The following CHLSN variants were observed in gnomAD, a reference collection of about 807,000 sequenced individuals.
CHLSN encodes the protein protein cholesin.
At chr7:1,008,767 AAC>A in the CHLSN span, among the ~76,000 whole-genome samples, 66 of 152,138 alleles carry the variant, frequency 4.3e-4, no homozygotes, top group Admixed American at 9.8e-4. Flanking sequence ...CACGTGCATA[AAC>A]ACACACGCAC....
At chr7:1,009,909 C>G in the CHLSN span, 2 of 1,473,448 alleles carry the variant, frequency 1.4e-6, no homozygotes, top group African/African-American at 2.8e-5. Context: ...GGGGTTGAGA[C>G]GCACGTCCGG....
chr7:1,042,358 C>T, the CHLSN span, among the ~76,000 whole-genome samples: 12 of 152,356 alleles, frequency 7.9e-5, no homozygotes. Flanking sequence ...GACTAGGGTG[C>T]AACCGCGAAG....
the CHLSN span, among the ~76,000 whole-genome samples, chr7:1,017,038 C>A: frequency 1.3e-5 from 2 of 151,494 alleles, no homozygotes; most frequent in African/African-American, 4.9e-5. Context: ...ACCCACGCAC[C>A]CTGGTCCTCT....
chr7:1,061,035 C>T, the CHLSN span, among the ~76,000 whole-genome samples: 4 of 152,336 alleles, frequency 2.6e-5, no homozygotes, highest in East Asian at 5.8e-4. Context: ...CTTGGCTCCA[C>T]GCTGAGCTCC....
At chr7:1,008,875 G>T in the CHLSN span, among the ~76,000 whole-genome samples, 2 of 126,212 alleles carry the variant, frequency 1.6e-5, no homozygotes, top group East Asian at 4.2e-4. Context: ...ACACGTGTAC[G>T]CAACACTCGT....
chr7:1,124,745 C>CAAAA, the CHLSN span, among the ~76,000 whole-genome samples: 2,247 of 122,024 alleles, frequency 0.018, 52 homozygotes, highest in African/African-American at 0.062. Context: ...TAAAAAAGCA[C>CAAAA]AAAAAAAAAA....
At chr7:1,127,877 A>G in the CHLSN span, among the ~76,000 whole-genome samples, 1 of 71,568 alleles carries the variant, frequency 1.4e-5, no homozygotes, top group East Asian at 3.5e-4. Context: ...GCTGGAGTGC[A>G]GTGGCACGAT....
the CHLSN span, among the ~76,000 whole-genome samples, chr7:1,022,635 C>T: frequency 1.3e-5 from 2 of 152,182 alleles, no homozygotes; most frequent in East Asian, 3.8e-4. Context: ...AATGACAGTC[C>T]CACAACCAAC....
the CHLSN span, among the ~76,000 whole-genome samples, chr7:978,858 T>C: frequency 6.6e-6 from 1 of 152,248 alleles, no homozygotes; most frequent in South Asian, 2.1e-4. Flanking sequence ...GTGGAGACAT[T>C]CCACGAGGCC....
At chr7:1,095,138 C>T in the CHLSN span, among the ~76,000 whole-genome samples, 4 of 152,068 alleles carry the variant, frequency 2.6e-5, no homozygotes, top group Admixed American at 2.6e-4. Context: ...CTGCAAGTCA[C>T]CCCAGCTAAA....
chr7:1,079,330 G>A, the CHLSN span, among the ~76,000 whole-genome samples: 1 of 152,272 alleles, frequency 6.6e-6, no homozygotes, highest in South Asian at 2.1e-4. Flanking sequence ...CCTCCCTATG[G>A]GGACACCTCA....
chr7:1,066,389 G>T, the CHLSN span, among the ~76,000 whole-genome samples: 1 of 152,260 alleles, frequency 6.6e-6, no homozygotes, highest in Non-Finnish European at 1.5e-5. Flanking sequence ...GCCCACAGAT[G>T]CCAGCTCCGG....
the CHLSN span, chr7:1,080,924 G>A: frequency 6.6e-6 from 1 of 152,422 alleles, no homozygotes; most frequent in African/African-American, 2.4e-5. Flanking sequence ...GCCTTTGCGG[G>A]TAAGGTCGGG....
the CHLSN span, among the ~76,000 whole-genome samples, chr7:1,070,953 AG>A: frequency 0.12 from 17,177 of 148,252 alleles, 1,120 homozygotes; most frequent in Middle Eastern, 0.26. Flanking sequence ...ACACACACAC[AG>A]CACAGACACG....
At chr7:1,070,507 A>G in the CHLSN span, among the ~76,000 whole-genome samples, 1 of 150,524 alleles carries the variant, frequency 6.6e-6, no homozygotes, top group Non-Finnish European at 1.5e-5. Flanking sequence ...GCACGCGCAC[A>G]CATGCACACA....
At chr7:1,094,895 G>A in the CHLSN span, among the ~76,000 whole-genome samples, 26 of 152,232 alleles carry the variant, frequency 1.7e-4, no homozygotes, top group Admixed American at 1.5e-3. Context: ...CTGCAGGAGC[G>A]GCCTCTGTGC....
At chr7:1,014,183 C>A in the CHLSN span, among the ~76,000 whole-genome samples, 2 of 152,218 alleles carry the variant, frequency 1.3e-5, no homozygotes, top group African/African-American at 4.8e-5. Context: ...ACCACAAAGC[C>A]AAACCCTACA....
At chr7:1,090,723 C>A in the CHLSN span, among the ~76,000 whole-genome samples, 1 of 152,262 alleles carries the variant, frequency 6.6e-6, no homozygotes, top group Non-Finnish European at 1.5e-5. Context: ...GGGAGGGACT[C>A]TCTCCCTGGA....
chr7:1,111,538 C>G, the CHLSN span, among the ~76,000 whole-genome samples: 1 of 152,234 alleles, frequency 6.6e-6, no homozygotes, highest in Non-Finnish European at 1.5e-5. Flanking sequence ...GGTGGCTCAT[C>G]CCTGAAATCC....
Sources: allele counts gnomAD v4.1 joint callset (sites outside exome capture counted in the v4.1 genomes callset), GRCh38; gene constraint gnomAD v4.1.1; transcripts MANE v1.5; gene names NCBI Gene and HGNC (gene_info 2026-07-23, HGNC 2026-07-21).